UPP2: variants seen among roughly 807,000 people sequenced by gnomAD.
UPP2 encodes UPase 2.
A neutral mutation model predicts 26.7 loss-of-function variants in UPP2; 23 were observed. That is an observed-to-expected ratio of 0.86 (90% CI 0.62 to 1.22). UPP2 has a LOEUF of 1.22. UPP2 is among the 50% of genes most tolerant of loss of function. The pLI is 0.00. For synonymous variants in UPP2, 127 were observed against 141.3 expected (o/e 0.90, Z 0.72); for missense variants, 387 against 396.7 (o/e 0.98, Z 0.21).
chr2:158,044,301 G>C (rs889295754), intron 3 of UPP2, among the ~76,000 whole-genome samples: 2 of 152,184 alleles, frequency 1.3e-5, no homozygotes, highest in Non-Finnish European at 2.9e-5. Flanking sequence ...GTTGACCATA[G>C]TGGGAAATTG....
intron 3 of UPP2, among the ~76,000 whole-genome samples, chr2:158,073,380 C>G (rs999260154): frequency 2.0e-5 from 3 of 151,932 alleles, no homozygotes; most frequent in Non-Finnish European, 4.4e-5. Flanking sequence ...GAGTATTGAT[C>G]TTAAAGAGAA....
intron 2 of UPP2, chr2:158,015,776 C>G: frequency 2.2e-6 from 1 of 453,420 alleles, no homozygotes; most frequent in South Asian, 1.6e-5. Flanking sequence ...CTCTCTGTCT[C>G]TCTCTCCTGC....
At chr2:158,034,759 C>A (rs1558909965) in intron 3 of UPP2, among the ~76,000 whole-genome samples, 1 of 152,184 alleles carries the variant, frequency 6.6e-6, no homozygotes, top group East Asian at 1.9e-4. Flanking sequence ...AGAGCATGAA[C>A]CATTTCTGGC....
At chr2:158,029,374 A>G (rs1265967615) in intron 3 of UPP2, among the ~76,000 whole-genome samples, 1 of 152,242 alleles carries the variant, frequency 6.6e-6, no homozygotes, top group East Asian at 1.9e-4. Context: ...TATCTTACAC[A>G]TTGTAATATC....
intron 3 of UPP2, among the ~76,000 whole-genome samples, chr2:158,019,687 C>CAA (rs1491008233): frequency 7.9e-6 from 1 of 126,540 alleles, no homozygotes; most frequent in Non-Finnish European, 1.7e-5. Context: ...CACACACACA[C>CAA]AAGAAAGACA....
chr2:158,058,403 TCTCTCTCC>T (rs796397944), intron 3 of UPP2, among the ~76,000 whole-genome samples: 7,024 of 25,792 alleles, frequency 0.27, 281 homozygotes, highest in African/African-American at 0.43. Flanking sequence ...TCTCTCTCTC[TCTCTCTCC>T]CCCCAACCTG....
intron 6 of UPP2, among the ~76,000 whole-genome samples, chr2:158,130,272 C>T (rs1024487927): frequency 6.6e-6 from 1 of 151,954 alleles, no homozygotes; most frequent in Non-Finnish European, 1.5e-5. Flanking sequence ...GAAACCTCGT[C>T]TCTACTACAA....
intron 3 of UPP2, among the ~76,000 whole-genome samples, chr2:158,078,321 G>A (rs1682664140): frequency 6.6e-6 from 1 of 152,060 alleles, no homozygotes; most frequent in Non-Finnish European, 1.5e-5. Context: ...ATTGAAGAAA[G>A]ATTTGTACTC....
intron 3 of UPP2, among the ~76,000 whole-genome samples, chr2:158,084,733 C>A (rs1337618587): frequency 1.3e-5 from 2 of 152,110 alleles, no homozygotes; most frequent in Non-Finnish European, 2.9e-5. Flanking sequence ...TATCCCTGCA[C>A]AATTTTTTGA....
At chr2:158,004,163 T>C (rs1480162185) in intron 2 of UPP2, among the ~76,000 whole-genome samples, 1 of 152,208 alleles carries the variant, frequency 6.6e-6, no homozygotes, top group African/African-American at 2.4e-5. Context: ...ATCTTAGAAA[T>C]ATTTTCATAA....
intron 2 of UPP2, among the ~76,000 whole-genome samples, chr2:158,110,174 G>A (rs528451926): frequency 1.3e-5 from 2 of 152,180 alleles, no homozygotes; most frequent in East Asian, 1.9e-4. Context: ...CCCATGACAG[G>A]CCCGAGTGTG....
chr2:158,068,904 A>G (rs1281579364), intron 3 of UPP2, among the ~76,000 whole-genome samples: 2 of 126,576 alleles, frequency 1.6e-5, no homozygotes, highest in Non-Finnish European at 3.1e-5. Context: ...TGCAAGCTCC[A>G]CCTCCCAGGT....
At chr2:158,013,403 T>C (rs1375793166) in intron 2 of UPP2, among the ~76,000 whole-genome samples, 1 of 152,234 alleles carries the variant, frequency 6.6e-6, no homozygotes, top group Non-Finnish European at 1.5e-5. Context: ...CATCCATTTG[T>C]GCTCTTGCCT....
At chr2:158,090,481 G>A (rs971430841) in intron 3 of UPP2, among the ~76,000 whole-genome samples, 2 of 151,974 alleles carry the variant, frequency 1.3e-5, no homozygotes, top group African/African-American at 4.8e-5. Context: ...AGCCTGGGCG[G>A]CAGAGTGAGA....
At chr2:158,006,715 C>T (rs1683494811) in intron 2 of UPP2, among the ~76,000 whole-genome samples, 1 of 152,184 alleles carries the variant, frequency 6.6e-6, no homozygotes, top group South Asian at 2.1e-4. Flanking sequence ...AAACCATCTC[C>T]AGTGGGCGTC....
intron 3 of UPP2, among the ~76,000 whole-genome samples, chr2:158,089,365 T>C (rs1233823703): frequency 2.0e-5 from 3 of 152,144 alleles, no homozygotes; most frequent in Non-Finnish European, 2.9e-5. Context: ...TTCCAGGCAG[T>C]GGGTAAGCAG....
rs529004118 is a variant in UPP2, at chr2:158,121,328, T to G, written c.455-81T>G. The G allele has an allele frequency of 5.6e-6, 7 of 1,252,670 alleles. No individual in the cohort carries two copies. In the South Asian group the frequency reaches 8.6e-5, roughly 15 times the overall value. The allele number at this position is 1,252,670 out of a possible 1,614,324, so 77.6% of individuals were successfully genotyped here. ...GAGACTCATTAGCAGCTAGCATTAA[T>G]ACTAGAATAAGTTACATACTATGTG... On this transcript the variant is annotated intron_variant, in intron 4 of 6. Transcript: ENST00000005756.
rs73005501 is a variant in UPP2, at chr2:158,091,065, C to T, written c.148-10975C>T. Among the ~76,000 whole-genome samples the T allele has an allele frequency of 8.9e-3, 1,349 of 152,290 alleles. 15 individuals are homozygous for T. Among genetic ancestry groups the T allele is most frequent in the African/African-American group, 0.031 (1,278 of 41,546 alleles). On this transcript the variant is annotated intron_variant, in intron 3 of 9. Coordinates refer to the UPP2 transcript ENST00000605860. Reference sequence around the variant, plus strand: ...AGTCTCCAGTGAGAAACGGAAGTAACGCGTCACTTGTGTTTGTAGAATGAC... The same window carrying T: ...AGTCTCCAGTGAGAAACGGAAGTAATGCGTCACTTGTGTTTGTAGAATGAC...
chr2:158,128,905 C>G (rs944297293), intron 6 of UPP2, among the ~76,000 whole-genome samples: 1 of 151,680 alleles, frequency 6.6e-6, no homozygotes, highest in Non-Finnish European at 1.5e-5. Context: ...TTATAGTATG[C>G]AGAGCCCTCA....
Sources: allele counts gnomAD v4.1 joint callset (sites outside exome capture counted in the v4.1 genomes callset), GRCh38; gene constraint gnomAD v4.1.1; transcripts MANE v1.5; gene names NCBI Gene and HGNC (gene_info 2026-07-23, HGNC 2026-07-21).